METAP1D: variants seen among roughly 807,000 people sequenced by gnomAD.
The protein encoded by METAP1D is methionine aminopeptidase 1D, mitochondrial.
A neutral mutation model predicts 40.5 loss-of-function variants in METAP1D; 31 were observed. That is an observed-to-expected ratio of 0.77 (90% CI 0.58 to 1.03). The LOEUF is 1.03. METAP1D is among the 50% of genes least tolerant of loss of function. The probability of loss-of-function intolerance (pLI) is 0.00; values close to 1 mark genes in which losing one functional copy is unlikely to be tolerated. For synonymous variants in METAP1D, 151 were observed against 146.4 expected (o/e 1.03, Z -0.22); for missense variants, 411 against 420.7 (o/e 0.98, Z 0.20).
At chr2:172,038,855 T>C (rs1314085552) in intron 1 of METAP1D, among the ~76,000 whole-genome samples, 2 of 152,238 alleles carry the variant, frequency 1.3e-5, no homozygotes, top group Non-Finnish European at 2.9e-5. Flanking sequence ...ATAATATTTA[T>C]GAGGTCTGAA....
intron 5 of METAP1D, among the ~76,000 whole-genome samples, chr2:172,069,308 A>G (rs1171243657): frequency 6.6e-6 from 1 of 152,198 alleles, no homozygotes; most frequent in African/African-American, 2.4e-5. Flanking sequence ...AGTTATATAA[A>G]CATTCATTTA....
At chr2:172,061,360 A>T in intron 1 of METAP1D, 138 bp from the exon 2 acceptor site, 1 of 681,870 alleles carries the variant, frequency 1.5e-6, no homozygotes, top group Non-Finnish European at 2.3e-6. Flanking sequence ...CACTGTTTTC[A>T]TTTCTATTTG....
rs1252051388 is a variant in METAP1D, at chr2:172,042,465, A to G, written c.41-19033A>G. Among the ~76,000 whole-genome samples, 16 of 45,414 alleles carry G rather than the reference A, an allele frequency of 3.5e-4. 7 individuals carry two copies. The highest frequency in any genetic ancestry group is 4.5e-4 in the Non-Finnish European group (11 of 24,520). 29.8% of individuals were successfully genotyped at this position (45,414 alleles called of 152,430 possible). The stretch of plus-strand genomic sequence containing the variant: ...TGTGTACATGCGTACATATATACAT[A>G]TATACATATGTGTGTGTACATGTGT... On this transcript the variant is annotated intron_variant, in intron 1 of 9. Transcript: ENST00000315796.
chr2:172,019,237 A>G (rs1430528570), intron 1 of METAP1D, among the ~76,000 whole-genome samples: 1 of 152,140 alleles, frequency 6.6e-6, no homozygotes. Context: ...CTGTAGTCCT[A>G]TCTATGAAAG....
rs1231398947 is a variant in METAP1D at position 172,016,301 on chromosome 2, ATATAT to A, written c.40+16293_40+16297del. Among the ~76,000 whole-genome samples the A allele has an allele frequency of 4.4e-3, 148 of 33,970 alleles. 1 individual carries two copies. The highest frequency in any genetic ancestry group is 6.2e-3 in the Non-Finnish European group (103 of 16,692). The allele number at this position is 33,970 out of a possible 152,430, so 22.3% of individuals were successfully genotyped here. A position where few individuals can be genotyped will look rare whatever the true frequency, so the allele number is the denominator to read the frequency against. ...AAAAAAAAAAAAAAAAAAAAAAAAA[ATATAT>A]ATATATATATATATATATATATATA... On this transcript the variant is annotated intron_variant, in intron 1 of 9. Transcript: ENST00000315796.
At chr2:172,080,049 C>CT in intron 8 of METAP1D, 79 bp from the exon 9 acceptor site, 4 of 1,345,838 alleles carry the variant, frequency 3.0e-6, no homozygotes, top group Non-Finnish European at 4.2e-6. Flanking sequence ...AGAAACTTCT[C>CT]TTTTTTAATA....
At chr2:172,072,631 G>A (rs1407365166) in intron 6 of METAP1D, among the ~76,000 whole-genome samples, 17 of 152,060 alleles carry the variant, frequency 1.1e-4, no homozygotes, top group Admixed American at 1.0e-3. Flanking sequence ...CCTCCCTCCA[G>A]ATCTATTTTT....
In METAP1D at chr2:172,019,965, C is replaced by A. The variant is rs1461604633; in HGVS notation, c.40+19956C>A. Among the ~76,000 whole-genome samples the A allele has an allele frequency of 2.0e-5, 3 of 152,234 alleles. No homozygotes were observed. The South Asian group carries it at 6.2e-4, about 32-fold the overall frequency. ...AATCTGCATGTTCAACAAATTCCTC[C>A]TGGCATTCTAGGGCTCCAATCTCAG... is the stretch of plus-strand genomic sequence containing the variant. On this transcript the variant is annotated intron_variant, in intron 1 of 9. Coordinates refer to ENST00000315796, the MANE Select transcript of METAP1D (RefSeq NM_199227.3).
chr2:172,059,823 G>T (rs1227041702), intron 1 of METAP1D, among the ~76,000 whole-genome samples: 1 of 152,134 alleles, frequency 6.6e-6, no homozygotes, highest in Non-Finnish European at 1.5e-5. Flanking sequence ...GACCAAGGCG[G>T]GCAGATTACG....
chr2:172,051,862 A>G (rs144914082), intron 1 of METAP1D, among the ~76,000 whole-genome samples: 30 of 152,334 alleles, frequency 2.0e-4, no homozygotes, highest in Non-Finnish European at 3.7e-4. Context: ...CCTCATAAAA[A>G]TTGCAAACTT....
At chr2:172,006,244 C>T (rs1352242453) in intron 1 of METAP1D, among the ~76,000 whole-genome samples, 2 of 149,992 alleles carry the variant, frequency 1.3e-5, no homozygotes, top group Non-Finnish European at 3.0e-5. Flanking sequence ...AGTGCAGTGG[C>T]GGGATCTCGG....
chr2:172,009,252 C>G (rs1194065547), intron 1 of METAP1D, among the ~76,000 whole-genome samples: 1 of 151,834 alleles, frequency 6.6e-6, no homozygotes, highest in Non-Finnish European at 1.5e-5. Flanking sequence ...ACCGTGTTAG[C>G]CAGGATGGTC....
At chr2:172,013,976 A>G (rs1358040118) in intron 1 of METAP1D, among the ~76,000 whole-genome samples, 1 of 151,146 alleles carries the variant, frequency 6.6e-6, no homozygotes, top group African/African-American at 2.4e-5. Context: ...GCGCACCACC[A>G]TGCCCAGCTA....
intron 1 of METAP1D, among the ~76,000 whole-genome samples, chr2:172,047,830 T>A (rs1386218963): frequency 6.6e-6 from 1 of 152,228 alleles, no homozygotes; most frequent in African/African-American, 2.4e-5. Flanking sequence ...TCCTATAACA[T>A]AATTTCTCCC....
At chr2:172,025,072 G>A (rs927271677) in intron 1 of METAP1D, among the ~76,000 whole-genome samples, 4 of 152,100 alleles carry the variant, frequency 2.6e-5, no homozygotes, top group African/African-American at 9.7e-5. Context: ...TCAAACTTTT[G>A]TGTATGTAGG....
chr2:172,078,647 G>A (rs1189341022), intron 7 of METAP1D, among the ~76,000 whole-genome samples: 2 of 152,182 alleles, frequency 1.3e-5, no homozygotes, highest in Non-Finnish European at 2.9e-5. Context: ...CACCCAGCAG[G>A]TCCAAACCCT....
intron 1 of METAP1D, among the ~76,000 whole-genome samples, chr2:172,008,609 G>A (rs998612161): frequency 6.6e-6 from 1 of 152,152 alleles, no homozygotes; most frequent in Non-Finnish European, 1.5e-5. Context: ...TATAAATTAG[G>A]CAGAGTATGA....
intron 1 of METAP1D, among the ~76,000 whole-genome samples, chr2:172,045,809 GTGTGTGTGTGTATA>G (rs1405374174): frequency 0.016 from 1,101 of 69,894 alleles, 76 homozygotes; most frequent in East Asian, 0.094. Context: ...GTGTGTGTGT[GTGTGTGTGTGTATA>G]TATATATATA....
At chr2:172,068,354 C>T (rs1317705464) in intron 5 of METAP1D, among the ~76,000 whole-genome samples, 1 of 151,710 alleles carries the variant, frequency 6.6e-6, no homozygotes, top group Non-Finnish European at 1.5e-5. Context: ...AGATCGCGCC[C>T]CTGCACTCCA....
Sources: allele counts gnomAD v4.1 joint callset (sites outside exome capture counted in the v4.1 genomes callset), GRCh38; gene constraint gnomAD v4.1.1; transcripts MANE v1.5; gene names NCBI Gene and HGNC (gene_info 2026-07-23, HGNC 2026-07-21).